SLC4A7: variants seen among roughly 807,000 people sequenced by gnomAD.
SLC4A7 encodes the protein solute carrier family 4 member 7.
Under a neutral mutation model 137.6 loss-of-function variants are expected in SLC4A7, and 51 were observed. That is an observed-to-expected ratio of 0.37 (90% CI 0.30 to 0.47). SLC4A7 has a LOEUF of 0.47. Ranked by LOEUF, SLC4A7 falls within the 20% of genes least tolerant of loss-of-function variation. The probability of loss-of-function intolerance (pLI) is 1.00; values close to 1 mark genes in which losing one functional copy is unlikely to be tolerated. For missense variants in SLC4A7, 1,247 were observed against 1,525.4 expected, an observed-to-expected ratio of 0.82 and a Z score of 3.04; for synonymous variants, 542 against 518.6, an observed-to-expected ratio of 1.05 and a Z score of -0.61.
chr3:27,484,157 C>A lies in SLC4A7; in HGVS notation c.-31G>T. On this transcript the variant is annotated 5_prime_UTR_variant, in exon 1 of 26. Coordinates refer to ENST00000454389, the MANE Select transcript of SLC4A7 (RefSeq NM_001321103.2). ...GCCGGCCAGCCCGTGACGGCCGCTA[C>A]GGTACTGCCCCGCGCGGTCTGCCTG... 3 of 1,296,404 alleles carry A rather than the reference C, an allele frequency of 2.3e-6. No individual in the cohort carries two copies. Among genetic ancestry groups the A allele is most frequent in the Admixed American group, 3.9e-5 (1 of 25,782 alleles). The allele number at this position is 1,296,404 out of a possible 1,614,324, so 80.3% of individuals were successfully genotyped here.
rs888829449 is a variant in SLC4A7 at position 27,442,414 on chromosome 3, G to A, written c.290-4888C>T. Reference sequence around the variant, plus strand: ...AAATGTGACGTCATCCACATGAAATGTGACGTCAAAAACTACAGCTCATTT... The same window carrying A: ...AAATGTGACGTCATCCACATGAAATATGACGTCAAAAACTACAGCTCATTT... On this transcript the variant is annotated intron_variant, in intron 3 of 25. Coordinates refer to ENST00000454389, the MANE Select transcript of SLC4A7 (RefSeq NM_001321103.2). Among the ~76,000 whole-genome samples, 10 of 151,136 alleles carry A rather than the reference G, an allele frequency of 6.6e-5. No individual in the cohort carries two copies. The East Asian group carries it at 2.0e-3, about 30-fold the overall frequency.
chr3:27,463,780 A>G (rs1416774977), intron 1 of SLC4A7, among the ~76,000 whole-genome samples: 4 of 152,084 alleles, frequency 2.6e-5, no homozygotes, highest in Non-Finnish European at 2.9e-5. Context: ...CTGGAATTCA[A>G]TTGGTGAGAT....
Position 27,395,553 on chromosome 3 carries a change from T to C in SLC4A7, c.2704-438A>G, listed in dbSNP as rs1416973970. 2.0e-5 allele frequency among the ~76,000 whole-genome samples: 3 copies of C among 152,192 alleles called. 1 individual carries two copies. In the East Asian group the frequency reaches 5.8e-4, roughly 29 times the overall value. On this transcript the variant is annotated intron_variant, in intron 18 of 25. Coordinates refer to ENST00000454389, the MANE Select transcript of SLC4A7 (RefSeq NM_001321103.2). ...GGATAAGACTATCCTCAATATAGTC[T>C]ATATGGTAGTGGGTGTCGGGGGCGG...
At chr3:27,383,407 T>C (rs1428208652) in intron 23 of SLC4A7, among the ~76,000 whole-genome samples, 157 bp from the exon 24 acceptor site, 3 of 152,346 alleles carry the variant, frequency 2.0e-5, no homozygotes, top group African/African-American at 7.2e-5. Context: ...CACATACTTG[T>C]AACATAAAAT....
intron 4 of SLC4A7, 95 bp downstream of exon 4, chr3:27,437,293 G>T: frequency 1.5e-6 from 1 of 657,148 alleles, no homozygotes; most frequent in Non-Finnish European, 2.3e-6. Flanking sequence ...AGAAGTTGCA[G>T]TGAGCCCAGA....
chr3:27,393,240 A>T lies in SLC4A7; in HGVS notation c.3117+1278T>A, dbSNP rs1255333340. Reference sequence around the variant, plus strand: ...TTTCACAAAAACAAAAGTTAAAAAAAATTTTTTTGGTTTATCTTAAAGAGG... The same window carrying T: ...TTTCACAAAAACAAAAGTTAAAAAATATTTTTTTGGTTTATCTTAAAGAGG... On this transcript the variant is annotated intron_variant, in intron 20 of 25. Transcript: ENST00000454389. Among the ~76,000 whole-genome samples the T allele has an allele frequency of 2.0e-5, 3 of 152,170 alleles. No homozygotes were observed. In the East Asian group the frequency reaches 5.8e-4, roughly 29 times the overall value.
intron 23 of SLC4A7, among the ~76,000 whole-genome samples, chr3:27,383,758 A>T (rs1226069452): frequency 6.6e-6 from 1 of 152,164 alleles, no homozygotes. Flanking sequence ...TCCAGTTATA[A>T]CAATCAAAAA....
At chr3:27,479,187 G>A (rs1376896778) in intron 1 of SLC4A7, among the ~76,000 whole-genome samples, 1 of 152,164 alleles carries the variant, frequency 6.6e-6, no homozygotes, top group Non-Finnish European at 1.5e-5. Flanking sequence ...GGCAGAGGAG[G>A]GTGGATCGCT....
chr3:27,463,404 T>A (rs1345287978), intron 1 of SLC4A7, among the ~76,000 whole-genome samples: 2 of 151,872 alleles, frequency 1.3e-5, no homozygotes, highest in African/African-American at 2.4e-5. Flanking sequence ...CACTCCAGCC[T>A]CGGCGACAGA....
At chr3:27,441,774 A>G (rs2057214827) in intron 3 of SLC4A7, among the ~76,000 whole-genome samples, 2 of 152,104 alleles carry the variant, frequency 1.3e-5, no homozygotes, top group South Asian at 4.1e-4. Flanking sequence ...GCATGCGTCA[A>G]CATGTCTGGC....
intron 3 of SLC4A7, among the ~76,000 whole-genome samples, chr3:27,441,301 T>C (rs545353994): frequency 1.2e-4 from 18 of 152,334 alleles, no homozygotes; most frequent in African/African-American, 4.3e-4. Context: ...CCCTGATTAG[T>C]TTTGGTATCA....
Position 27,437,484 on chromosome 3 carries a change from T to G in SLC4A7, c.332A>C (p.Asp111Ala), listed in dbSNP as rs780232526. 6.3e-7 allele frequency: 1 copy of G among 1,598,794 alleles called. No homozygotes were observed. The highest frequency in any genetic ancestry group is 1.7e-5 in the Admixed American group (1 of 58,446). Residue 111 changes from aspartate to alanine, a missense_variant, in exon 4 of 26, where the codon GAT becomes GCT. Physicochemically the swap from Asp to Ala is moderately radical, Grantham distance 126. Coordinates refer to ENST00000454389, the MANE Select transcript of SLC4A7 (RefSeq NM_001321103.2). ...ATGGGGAATATGTTCTTCATCATCA[T>G]CTTCAGTACCAAGGATAAACTGAAC... ...QRVQFILGTE[D>A]DDEEHIPHDL...
In SLC4A7 at chr3:27,375,568, G is replaced by A. The variant is rs1418072269; in HGVS notation, c.*1196C>T. 6.6e-6 allele frequency: 1 copy of A among 152,322 alleles called. No homozygotes were observed. The highest frequency in any genetic ancestry group is 1.5e-5 in the Non-Finnish European group (1 of 67,872). The allele number at this position is 152,322 out of a possible 1,614,324, so 9.4% of individuals were successfully genotyped here. ...CCTTTTAAAATATAAATATGGCAGT[G>A]CTTTATATCAAAGATGTAAAATCTA... is the stretch of plus-strand genomic sequence containing the variant. On this transcript the variant is annotated 3_prime_UTR_variant, in exon 26 of 26. Coordinates refer to ENST00000454389, the MANE Select transcript of SLC4A7 (RefSeq NM_001321103.2).
chr3:27,449,610 G>A (rs1234250894), intron 2 of SLC4A7, among the ~76,000 whole-genome samples: 2 of 152,054 alleles, frequency 1.3e-5, no homozygotes, highest in Non-Finnish European at 2.9e-5. Flanking sequence ...TGCTGATATT[G>A]CATTATCCTA....
intron 2 of SLC4A7, among the ~76,000 whole-genome samples, chr3:27,450,075 T>C (rs184101500): frequency 6.6e-6 from 1 of 152,182 alleles, no homozygotes; most frequent in African/African-American, 2.4e-5. Context: ...CTGACACTCA[T>C]GTTCCCAGGT....
At chr3:27,442,465 C>T (rs1360677624) in intron 3 of SLC4A7, among the ~76,000 whole-genome samples, 6 of 147,742 alleles carry the variant, frequency 4.1e-5, no homozygotes, top group South Asian at 2.1e-4. Context: ...TTTGAGACAG[C>T]GTCTCACTCC....
At chr3:27,401,020 A>C in intron 15 of SLC4A7, 151 bp from the exon 16 acceptor site, 1 of 491,108 alleles carries the variant, frequency 2.0e-6, no homozygotes, top group Non-Finnish European at 3.6e-6. Flanking sequence ...CATCAGAAAC[A>C]ACAGAATGGA....
intron 25 of SLC4A7, among the ~76,000 whole-genome samples, chr3:27,378,259 A>C (rs2050092780): frequency 6.6e-6 from 1 of 152,210 alleles, no homozygotes; most frequent in Non-Finnish European, 1.5e-5. Flanking sequence ...AAGAATGAGA[A>C]AAAGCTAATC....
At chr3:27,437,594 T>C (rs1455958435) in intron 3 of SLC4A7, 68 bp from the exon 4 acceptor site, 7 of 1,086,702 alleles carry the variant, frequency 6.4e-6, no homozygotes, top group Non-Finnish European at 7.5e-6. Flanking sequence ...AATTCACAGT[T>C]TTGAAAATGA....
Sources: allele counts gnomAD v4.1 joint callset (sites outside exome capture counted in the v4.1 genomes callset), GRCh38; gene constraint gnomAD v4.1.1; transcripts MANE v1.5; gene names NCBI Gene and HGNC (gene_info 2026-07-23, HGNC 2026-07-21).